ABL1: variants seen among roughly 807,000 people sequenced by gnomAD.
The protein encoded by ABL1 is tyrosine-protein kinase ABL1.
A neutral mutation model predicts 94.7 loss-of-function variants in ABL1; 11 were observed. The observed-to-expected ratio is 0.12, with a 90% confidence interval of 0.07 to 0.19. ABL1 has a LOEUF of 0.19. ABL1 is among the 10% of genes least tolerant of loss of function. ABL1 has a pLI of 1.00. For synonymous variants in ABL1, 656 were observed against 622.4 expected, an observed-to-expected ratio of 1.05 and a Z score of -0.80; for missense variants, 1,082 against 1,489.4, an observed-to-expected ratio of 0.73 and a Z score of 4.50.
chr9:130,881,340 C>T (rs36068016), intron 10 of ABL1, among the ~76,000 whole-genome samples: 1,795 of 152,272 alleles, frequency 0.012, 19 homozygotes, highest in Non-Finnish European at 0.015. Flanking sequence ...GTGTATTAGT[C>T]TGTTTTCATG....
intron 1 of ABL1, among the ~76,000 whole-genome samples, chr9:130,811,263 T>C (rs1250621484): frequency 2.6e-5 from 4 of 152,176 alleles, no homozygotes; most frequent in Non-Finnish European, 4.4e-5. Context: ...CATTCCAGCC[T>C]GGGTGACAGA....
intron 1 of ABL1, among the ~76,000 whole-genome samples, chr9:130,799,382 G>A (rs1479032334): frequency 6.6e-6 from 1 of 152,164 alleles, no homozygotes; most frequent in Non-Finnish European, 1.5e-5. Flanking sequence ...GCAAAGAGCA[G>A]GTAGAGGTTT....
At chr9:130,809,413 AGAGAGTGTGTGT>A (rs1344802361) in intron 1 of ABL1, among the ~76,000 whole-genome samples, 6 of 112,612 alleles carry the variant, frequency 5.3e-5, no homozygotes, top group South Asian at 3.0e-4. Context: ...AGAGAGAGAG[AGAGAGTGTGTGT>A]GTGTGTGTGT....
intron 1 of ABL1, among the ~76,000 whole-genome samples, chr9:130,723,235 C>G (rs1831538259): frequency 6.6e-6 from 1 of 152,088 alleles, no homozygotes; most frequent in African/African-American, 2.4e-5. Flanking sequence ...TGATGTCACT[C>G]CCCTGTGTGT....
intron 1 of ABL1, among the ~76,000 whole-genome samples, chr9:130,742,883 A>G (rs929019002): frequency 1.3e-5 from 2 of 152,102 alleles, no homozygotes; most frequent in Non-Finnish European, 2.9e-5. Context: ...GCATTCATAA[A>G]ATGAAAATGA....
chr9:130,856,250 A>G (rs1295685413), intron 3 of ABL1, among the ~76,000 whole-genome samples: 2 of 152,062 alleles, frequency 1.3e-5, no homozygotes, highest in Non-Finnish European at 2.9e-5. Context: ...CACCACACCC[A>G]GCTAATTTTG....
At chr9:130,725,833 T>TG (rs1380959240) in intron 1 of ABL1, among the ~76,000 whole-genome samples, 3,316 of 91,872 alleles carry the variant, frequency 0.036, 251 homozygotes, top group African/African-American at 0.14. Context: ...GGTTTTTTTT[T>TG]TTTTTTTTTT....
chr9:130,884,342 C>T lies in ABL1; in HGVS notation c.2052C>T (p.Pro684=), dbSNP rs1394323393. The stretch of plus-strand genomic sequence containing the variant: ...CCGGGGGCTCAGGCTTCCGGTCTCC[C>T]CACCTGTGGAAGAAGTCCAGCACGC... ...RESGGSGFRS[P]HLWKKSSTLT... is the part of the protein sequence containing the mutation. The change falls in exon 11 of 11, where the codon CCC becomes CCT. Residue 684 remains proline, a synonymous_variant. Transcript: ENST00000318560. The surrounding 1 kb of genome is among the most constrained non-coding windows in gnomAD (Gnocchi z 5.6). 4.3e-6 allele frequency: 7 copies of T among 1,612,190 alleles called. No individual in the cohort carries two copies. Among genetic ancestry groups the T allele is most frequent in the Non-Finnish European group, 5.9e-6 (7 of 1,179,726 alleles).
chr9:130,797,247 A>T (rs1829990612), intron 1 of ABL1, among the ~76,000 whole-genome samples: 1 of 132,822 alleles, frequency 7.5e-6, no homozygotes, highest in Non-Finnish European at 1.6e-5. Flanking sequence ...AAAAAAAAAA[A>T]AAAAAAAAAA....
intron 1 of ABL1, among the ~76,000 whole-genome samples, chr9:130,827,932 A>AATAAATAG: frequency 6.7e-6 from 1 of 148,292 alleles, no homozygotes; most frequent in Non-Finnish European, 1.5e-5. Flanking sequence ...TAAATAAATA[A>AATAAATAG]ATAAAGCTAT....
chr9:130,881,413 C>G (rs1431124869), intron 10 of ABL1, among the ~76,000 whole-genome samples: 1 of 152,194 alleles, frequency 6.6e-6, no homozygotes, highest in African/African-American at 2.4e-5. Context: ...CACTGACTCA[C>G]AGTTCCACAT....
chr9:130,808,092 A>C (rs551854896), intron 1 of ABL1, among the ~76,000 whole-genome samples: 2 of 152,160 alleles, frequency 1.3e-5, no homozygotes, highest in Admixed American at 6.5e-5. Flanking sequence ...TCAAAAAAAA[A>C]AAAACAGATT....
At chr9:130,744,011 T>C (rs1220906865) in intron 1 of ABL1, among the ~76,000 whole-genome samples, 2 of 152,198 alleles carry the variant, frequency 1.3e-5, no homozygotes. Context: ...GCTTGCTGCA[T>C]ACAAATATTC....
At chr9:130,754,385 G>C (rs923388995) in intron 1 of ABL1, among the ~76,000 whole-genome samples, 4 of 147,026 alleles carry the variant, frequency 2.7e-5, no homozygotes, top group Admixed American at 2.0e-4. Flanking sequence ...GCGGGCACCT[G>C]TAGTCCCAGC....
chr9:130,776,315 G>C (rs1050153316), intron 1 of ABL1, among the ~76,000 whole-genome samples: 2 of 152,190 alleles, frequency 1.3e-5, no homozygotes, highest in Admixed American at 1.3e-4. Context: ...CTGTGGTGAG[G>C]CTGGGCGCGG....
chr9:130,800,268 A>G (rs1019539634), intron 1 of ABL1, among the ~76,000 whole-genome samples: 2 of 152,138 alleles, frequency 1.3e-5, no homozygotes, highest in Non-Finnish European at 2.9e-5. Flanking sequence ...TATTATTTAC[A>G]TATAATATCC....
Position 130,880,580 on chromosome 9 carries a change from A to T in ABL1, c.1594A>T (p.Thr532Ser), listed in dbSNP as rs764172796. The T allele has an allele frequency of 2.8e-5, 45 of 1,613,768 alleles. No individual in the cohort carries two copies. The highest frequency in any genetic ancestry group is 3.8e-5 in the Non-Finnish European group (45 of 1,179,866). Residue 532 changes from threonine to serine, a missense_variant, in exon 10 of 11, where the codon ACG (threonine) becomes TCG (serine). Coordinates refer to ENST00000318560, the MANE Select transcript of ABL1 (RefSeq NM_005157.6). This position sits in a 1 kb window ranked among gnomAD's most constrained non-coding sequence, Gnocchi z 4.4. ...LLQAPELPTK[T>S]RTSRRAAEHR... ...GCAGGCCCCAGAGCTGCCCACCAAG[A>T]CGAGGACCTCCAGGAGAGCTGCAGA... is the stretch of plus-strand genomic sequence containing the variant.
intron 4 of ABL1, among the ~76,000 whole-genome samples, chr9:130,868,309 G>T (rs1288413630): frequency 6.6e-6 from 1 of 152,028 alleles, no homozygotes; most frequent in Non-Finnish European, 1.5e-5. Context: ...GATGGGTGAA[G>T]GAATATTGGA....
At chr9:130,807,656 C>G (rs1240234471) in intron 1 of ABL1, among the ~76,000 whole-genome samples, 1 of 135,304 alleles carries the variant, frequency 7.4e-6, no homozygotes, top group Non-Finnish European at 1.6e-5. Context: ...ATATTTTATA[C>G]ATTCCTTAAT....
Sources: allele counts gnomAD v4.1 joint callset (sites outside exome capture counted in the v4.1 genomes callset), GRCh38; gene constraint gnomAD v4.1.1; non-coding constraint Gnocchi (gnomAD v3.1); transcripts MANE v1.5; gene names NCBI Gene and HGNC (gene_info 2026-07-23, HGNC 2026-07-21).